The following DCDC1 variants were observed in gnomAD, a reference collection of about 807,000 sequenced individuals.
DCDC1 encodes the protein doublecortin domain containing 1.
Under a neutral mutation model 178.3 loss-of-function variants are expected in DCDC1, and 200 were observed. The ratio of observed to expected loss-of-function variants is 1.12; its 90% CI spans 1.00 to 1.26. The LOEUF (loss-of-function observed/expected upper bound fraction) is 1.26, where lower values mean the gene tolerates loss of function less well. Among genes scored for constraint, DCDC1 ranks in the 50% most tolerant of loss-of-function variants. The probability of loss-of-function intolerance (pLI) is 0.00; values close to 1 mark genes in which losing one functional copy is unlikely to be tolerated. For synonymous variants in DCDC1, 690 were observed against 604.8 expected (o/e 1.14, Z -2.07); for missense variants, 1,983 against 1,749.2 (o/e 1.13, Z -2.38).
In DCDC1 at chr11:31,124,465, G is replaced by A. The variant is rs556598566; in HGVS notation, c.1485+3004C>T. Reference sequence around the variant, plus strand: ...TTCATATGGAACCAAAAAAGAGCTTGTACACTCAGGACAATCCTAATCAAA... The same window carrying A: ...TTCATATGGAACCAAAAAAGAGCTTATACACTCAGGACAATCCTAATCAAA... On this transcript the variant is annotated intron_variant, in intron 11 of 38. Coordinates refer to ENST00000684477, the MANE Select transcript of DCDC1 (RefSeq NM_001387274.1). Among the ~76,000 whole-genome samples the A allele has an allele frequency of 2.0e-5, 3 of 152,124 alleles. No homozygotes were observed. In the South Asian group the frequency reaches 6.2e-4, roughly 32 times the overall value.
chr11:30,900,361 A>C lies in DCDC1; in HGVS notation c.4648T>G (p.Phe1550Val), dbSNP rs1333900868. ...IAIWVSCGEP[F>V]LPPNALQKAE... ...AAAAAGTTACCATTTGGAGGTAGAA[A>C]TGGTTCACCACAAGACACCCAGATG... Residue 1550 changes from phenylalanine to valine, a missense_variant, in exon 33 of 39, where the codon TTT (phenylalanine) becomes GTT (valine). Transcript: ENST00000684477. 6.5e-7 allele frequency: 1 copy of C among 1,539,338 alleles called. No individual in the cohort carries two copies. The highest frequency in any genetic ancestry group is 8.8e-7 in the Non-Finnish European group (1 of 1,142,612).
At chr11:31,299,292 A>G (rs1947927230) in intron 6 of DCDC1, among the ~76,000 whole-genome samples, 1 of 152,158 alleles carries the variant, frequency 6.6e-6, no homozygotes, top group Non-Finnish European at 1.5e-5. Context: ...CTAGTCTGAC[A>G]TATCATTTGA....
chr11:30,902,976 G>A (rs1257271488), intron 32 of DCDC1, among the ~76,000 whole-genome samples: 1 of 152,120 alleles, frequency 6.6e-6, no homozygotes, highest in Non-Finnish European at 1.5e-5. Flanking sequence ...ATTGACTGGA[G>A]CTTCTGGGAG....
At chr11:30,943,425 G>A (rs1348405035) in intron 21 of DCDC1, 1 of 259,748 alleles carries the variant, frequency 3.8e-6, no homozygotes, top group African/African-American at 2.3e-5. Flanking sequence ...TAAACTTTTA[G>A]CTTTGTTCTG....
At chr11:31,233,637 T>G (rs1976099571) in intron 9 of DCDC1, among the ~76,000 whole-genome samples, 1 of 152,208 alleles carries the variant, frequency 6.6e-6, no homozygotes. Context: ...CACCTGGTGG[T>G]TGGAAGGCAA....
chr11:30,870,589 A>G (rs533793664), intron 38 of DCDC1, among the ~76,000 whole-genome samples: 1 of 152,198 alleles, frequency 6.6e-6, no homozygotes, highest in South Asian at 2.1e-4. Flanking sequence ...TTGACACTGG[A>G]ATTGATTTGA....
At chr11:30,877,501 C>G (rs901481691) in intron 38 of DCDC1, among the ~76,000 whole-genome samples, 6 of 152,116 alleles carry the variant, frequency 3.9e-5, no homozygotes, top group Non-Finnish European at 7.4e-5. Context: ...TGCTAGGGAT[C>G]TCCCTTGATT....
At chr11:31,176,361 T>C (rs1968021033) in intron 9 of DCDC1, among the ~76,000 whole-genome samples, 1 of 152,162 alleles carries the variant, frequency 6.6e-6, no homozygotes, top group South Asian at 2.1e-4. Context: ...AGAAAAAAAT[T>C]AAGAATACAA....
At chr11:31,177,547 G>T (rs890405824) in intron 9 of DCDC1, among the ~76,000 whole-genome samples, 1 of 152,058 alleles carries the variant, frequency 6.6e-6, no homozygotes, top group Non-Finnish European at 1.5e-5. Context: ...CAATATAAAT[G>T]GATTAAATTC....
intron 1 of DCDC1, among the ~76,000 whole-genome samples, chr11:31,359,596 G>C (rs1951600865): frequency 6.6e-6 from 1 of 152,034 alleles, no homozygotes; most frequent in Non-Finnish European, 1.5e-5. Context: ...GAAAAAAAAA[G>C]AAAGAAAATG....
chr11:31,274,544 TATGAAAAGGCTCC>T (rs908398443), intron 7 of DCDC1, among the ~76,000 whole-genome samples: 1 of 151,442 alleles, frequency 6.6e-6, no homozygotes, highest in African/African-American at 2.4e-5. Context: ...GAACATAGCA[TATGAAAAGGCTCC>T]ATGGCAGAGC....
chr11:31,346,339 C>G (rs1056031992), intron 1 of DCDC1, among the ~76,000 whole-genome samples: 12 of 151,822 alleles, frequency 7.9e-5, no homozygotes, highest in Admixed American at 6.6e-5. Context: ...TGGCACACGC[C>G]TGTAATCCCA....
In DCDC1 at chr11:30,911,378, C is replaced by T. The variant is rs771884148; in HGVS notation, c.3696G>A (p.Val1232=). The T allele has an allele frequency of 6.2e-7, 1 of 1,605,248 alleles. No individual in the cohort carries two copies. The highest frequency in any genetic ancestry group is 8.5e-7 in the Non-Finnish European group (1 of 1,175,782). Residue 1232 remains valine (V), a synonymous_variant, in exon 28 of 39, where the codon GTG becomes GTA. Coordinates refer to ENST00000684477, the MANE Select transcript of DCDC1 (RefSeq NM_001387274.1). The part of the protein sequence containing the change: ...LVSNPDLVLA[V]SMTKTRNEVC... ...CTTCATTTCTAGTCTTGGTCATAGA[C>T]ACTGCCAGCACAAGGTCAGGGTTAC...
At chr11:31,144,652 A>G (rs1398171150) in intron 9 of DCDC1, among the ~76,000 whole-genome samples, 1 of 152,116 alleles carries the variant, frequency 6.6e-6, no homozygotes, top group Non-Finnish European at 1.5e-5. Flanking sequence ...TTATTCTATT[A>G]GTAGTAATAT....
chr11:31,303,058 C>G (rs1455586280), intron 6 of DCDC1, among the ~76,000 whole-genome samples: 1 of 152,136 alleles, frequency 6.6e-6, no homozygotes, highest in Non-Finnish European at 1.5e-5. Context: ...ACTTCTATCC[C>G]TATGCTGGGG....
chr11:30,929,112 A>G (rs896721787), intron 22 of DCDC1, among the ~76,000 whole-genome samples: 4 of 152,146 alleles, frequency 2.6e-5, no homozygotes, highest in Middle Eastern at 3.2e-3. Flanking sequence ...GTGATCAAAT[A>G]TAACTAACCA....
intron 20 of DCDC1, among the ~76,000 whole-genome samples, chr11:31,003,755 C>A (rs1951695714): frequency 6.6e-6 from 1 of 152,098 alleles, no homozygotes; most frequent in South Asian, 2.1e-4. Context: ...ACCATTATAG[C>A]CCAGGTTAAG....
At chr11:30,870,523 T>A (rs1233086038) in intron 38 of DCDC1, among the ~76,000 whole-genome samples, 1 of 152,190 alleles carries the variant, frequency 6.6e-6, no homozygotes, top group African/African-American at 2.4e-5. Flanking sequence ...ATGGGATTTA[T>A]CCTATCAAAA....
At chr11:31,241,933 G>C (rs1977191838) in intron 8 of DCDC1, among the ~76,000 whole-genome samples, 1 of 151,898 alleles carries the variant, frequency 6.6e-6, no homozygotes, top group Non-Finnish European at 1.5e-5. Context: ...AGATGAGTTG[G>C]AACCAACCTT....
Sources: gnomAD v4.1 joint callset for allele counts (sites outside exome capture counted in the v4.1 genomes callset) on GRCh38, gnomAD v4.1.1 for gene constraint, MANE v1.5 for transcripts, NCBI Gene and HGNC (gene_info 2026-07-23, HGNC 2026-07-21) for gene names.